GPM6A: variants seen among roughly 807,000 people sequenced by gnomAD.
The protein encoded by GPM6A is neuronal membrane glycoprotein M6-a.
In GPM6A, 7 loss-of-function variants were observed where a neutral mutation model predicts 32.1. The observed-to-expected ratio is 0.22, with a 90% CI of 0.12 to 0.41. The LOEUF is 0.41. GPM6A is among the 10% of genes least tolerant of loss of function. GPM6A has a pLI of 1.00. For synonymous variants in GPM6A, 130 were observed against 123.4 expected, an observed-to-expected ratio of 1.05 and a Z score of -0.35; for missense variants, 235 against 347.2, an observed-to-expected ratio of 0.68 and a Z score of 2.57.
At chr4:175,647,218 TTAAG>T (rs1311542105) in intron 4 of GPM6A, among the ~76,000 whole-genome samples, 1 of 152,226 alleles carries the variant, frequency 6.6e-6, no homozygotes, top group African/African-American at 2.4e-5. Flanking sequence ...GTGTTGGCTC[TTAAG>T]TTTTATCAAG....
chr4:175,655,340 C>G (rs1294989055), intron 3 of GPM6A, among the ~76,000 whole-genome samples: 1 of 151,990 alleles, frequency 6.6e-6, no homozygotes, highest in East Asian at 1.9e-4. Flanking sequence ...ATAATTTGAT[C>G]TTTCCATTTT....
chr4:175,803,776 G>T lies in GPM6A; in HGVS notation c.37+8415C>A, dbSNP rs527828225. Among the ~76,000 whole-genome samples the T allele has an allele frequency of 2.0e-5, 3 of 152,134 alleles. No individual in the cohort carries two copies. In the South Asian group the frequency reaches 6.2e-4, roughly 32 times the overall value. On this transcript the variant is annotated intron_variant, in intron 1 of 6. Transcript: ENST00000393658. ...AAGTCAATTGGCCACTCATTATGAT[G>T]GTCAATTGAAAAACTCCTGGCCCTT...
intron 1 of GPM6A, among the ~76,000 whole-genome samples, chr4:175,968,958 T>G (rs1163214967): frequency 6.6e-6 from 1 of 152,208 alleles, no homozygotes; most frequent in East Asian, 1.9e-4. Flanking sequence ...CTACACAAAA[T>G]TTATGGATAT....
chr4:175,855,396 C>T (rs1259516695), intron 1 of GPM6A, among the ~76,000 whole-genome samples: 2 of 151,990 alleles, frequency 1.3e-5, no homozygotes, highest in African/African-American at 4.8e-5. Flanking sequence ...TATATTAGGA[C>T]AGAGGATCCC....
intron 1 of GPM6A, among the ~76,000 whole-genome samples, chr4:175,860,835 A>T (rs1419487977): frequency 6.6e-6 from 1 of 152,156 alleles, no homozygotes; most frequent in Non-Finnish European, 1.5e-5. Context: ...TTTTTTGGCC[A>T]TGAGTATTTC....
intron 1 of GPM6A, among the ~76,000 whole-genome samples, chr4:175,836,107 CT>C (rs2111376338): frequency 6.6e-6 from 1 of 152,256 alleles, no homozygotes; most frequent in South Asian, 2.1e-4. Flanking sequence ...GAGTAGGAAT[CT>C]TTGGCGAGTA....
chr4:175,834,331 G>C (rs1035141312), intron 1 of GPM6A, among the ~76,000 whole-genome samples: 1 of 152,134 alleles, frequency 6.6e-6, no homozygotes, highest in Non-Finnish European at 1.5e-5. Context: ...TTGTTCGGCT[G>C]CTTTTTTTAG....
At chr4:175,702,073 A>G (rs947162299) in intron 1 of GPM6A, among the ~76,000 whole-genome samples, 1 of 152,224 alleles carries the variant, frequency 6.6e-6, no homozygotes, top group African/African-American at 2.4e-5. Flanking sequence ...ATGCATGCAT[A>G]TCATTCCATC....
At chr4:175,934,450 G>C (rs1409371963) in intron 1 of GPM6A, among the ~76,000 whole-genome samples, 6 of 152,166 alleles carry the variant, frequency 3.9e-5, no homozygotes, top group Non-Finnish European at 7.3e-5. Context: ...TGAAGTTCTA[G>C]TGACTCAAAC....
intron 1 of GPM6A, among the ~76,000 whole-genome samples, chr4:175,886,861 A>G (rs1241758266): frequency 1.3e-5 from 2 of 152,056 alleles, no homozygotes; most frequent in Non-Finnish European, 2.9e-5. Flanking sequence ...AAATCTGTCT[A>G]TGTCAACTTA....
At chr4:175,969,794 G>A (rs576293859) in intron 1 of GPM6A, among the ~76,000 whole-genome samples, 1 of 152,282 alleles carries the variant, frequency 6.6e-6, no homozygotes, top group East Asian at 1.9e-4. Context: ...CAAAATATTA[G>A]TAATACCGGA....
intron 1 of GPM6A, chr4:175,906,681 T>C (rs1046650674): frequency 3.9e-5 from 6 of 152,154 alleles, no homozygotes; most frequent in Non-Finnish European, 7.3e-5. Context: ...CTTGTAATTC[T>C]AATGAGTCCA....
intron 1 of GPM6A, among the ~76,000 whole-genome samples, chr4:175,730,684 G>A (rs1294519318): frequency 2.0e-5 from 3 of 152,092 alleles, no homozygotes; most frequent in Non-Finnish European, 2.9e-5. Context: ...GTGTTAGCCA[G>A]GATGGTCTCG....
intron 4 of GPM6A, chr4:175,641,036 C>G (rs1296008362): frequency 3.8e-6 from 2 of 532,288 alleles, no homozygotes; most frequent in African/African-American, 1.9e-5. Context: ...AGCCCTCAAG[C>G]AATTTAAATA....
At chr4:175,879,306 C>T (rs1737190388) in intron 1 of GPM6A, among the ~76,000 whole-genome samples, 1 of 152,196 alleles carries the variant, frequency 6.6e-6, no homozygotes, top group Admixed American at 6.5e-5. Context: ...TTCACAGCAG[C>T]ACCCCACTCC....
chr4:175,780,365 T>A (rs955616642), intron 1 of GPM6A, among the ~76,000 whole-genome samples: 6 of 152,206 alleles, frequency 3.9e-5, no homozygotes, highest in Non-Finnish European at 8.8e-5. Context: ...CAACTTTTAA[T>A]AAATCACTTG....
At chr4:175,724,991 C>T (rs930242656) in intron 1 of GPM6A, among the ~76,000 whole-genome samples, 1 of 152,122 alleles carries the variant, frequency 6.6e-6, no homozygotes, top group Non-Finnish European at 1.5e-5. Context: ...AAACATTCTT[C>T]CCTTACATAT....
At chr4:175,822,651 C>CTTTTT (rs11446115) in intron 1 of GPM6A, among the ~76,000 whole-genome samples, 1 of 148,108 alleles carries the variant, frequency 6.8e-6, no homozygotes. Flanking sequence ...TCTTTTCATG[C>CTTTTT]TTTTTTTTTT....
chr4:175,645,578 A>C (rs1741410702), intron 4 of GPM6A, among the ~76,000 whole-genome samples: 1 of 151,658 alleles, frequency 6.6e-6, no homozygotes, highest in Non-Finnish European at 1.5e-5. Context: ...AAAATTAGCC[A>C]GGCATGGTGG....
Sources: allele counts gnomAD v4.1 joint callset (sites outside exome capture counted in the v4.1 genomes callset), GRCh38; gene constraint gnomAD v4.1.1; transcripts MANE v1.5; gene names NCBI Gene and HGNC (gene_info 2026-07-23, HGNC 2026-07-21).